The following STARD3NL variants were observed in gnomAD, a reference collection of about 807,000 sequenced individuals.
The protein encoded by STARD3NL is STARD3 N-terminal like, also known as STARD3 N-terminal-like protein.
Under a neutral mutation model 30.9 loss-of-function variants are expected in STARD3NL, and 17 were observed. The observed-to-expected ratio is 0.55, with a 90% CI of 0.38 to 0.82. STARD3NL has a LOEUF of 0.82. STARD3NL is among the 40% of genes least tolerant of loss of function. STARD3NL has a pLI of 0.00. For synonymous variants in STARD3NL, 112 were observed against 100.5 expected (o/e 1.11, Z -0.69); for missense variants, 234 against 277.6 (o/e 0.84, Z 1.12).
chr7:38,191,971 G>A (rs56147907), intron 1 of STARD3NL, among the ~76,000 whole-genome samples: 20,918 of 151,804 alleles, frequency 0.14, 1,556 homozygotes, highest in East Asian at 0.22. Flanking sequence ...ATCAGTTTGA[G>A]GAGAATTGAT....
At chr7:38,184,263 C>G (rs1784362791) in intron 1 of STARD3NL, among the ~76,000 whole-genome samples, 1 of 152,072 alleles carries the variant, frequency 6.6e-6, no homozygotes, top group South Asian at 2.1e-4. Flanking sequence ...AAAAGGCATT[C>G]CAGGCAGAGG....
At chr7:38,202,460 AG>A (rs529391860) in intron 1 of STARD3NL, among the ~76,000 whole-genome samples, 7 of 152,224 alleles carry the variant, frequency 4.6e-5, no homozygotes, top group Non-Finnish European at 7.3e-5. Flanking sequence ...ACATATAACA[AG>A]TGCAAAAAGT....
chr7:38,187,025 TA>T (rs36035968), intron 1 of STARD3NL, among the ~76,000 whole-genome samples: 93 of 144,036 alleles, frequency 6.5e-4, no homozygotes, highest in Non-Finnish European at 6.1e-4. Flanking sequence ...CAGCAGCTTC[TA>T]AAAAAAAAAA....
At chr7:38,226,513 A>T (rs1211592152) in intron 7 of STARD3NL, among the ~76,000 whole-genome samples, 1 of 152,196 alleles carries the variant, frequency 6.6e-6, no homozygotes, top group Non-Finnish European at 1.5e-5. Flanking sequence ...GTAGAAATGT[A>T]CATGGGTTGG....
At chr7:38,188,170 A>T (rs188249105) in intron 1 of STARD3NL, among the ~76,000 whole-genome samples, 1 of 152,266 alleles carries the variant, frequency 6.6e-6, no homozygotes, top group East Asian at 1.9e-4. Flanking sequence ...TCTCATTCAG[A>T]GTAAGACTTT....
At chr7:38,189,427 G>A (rs976518898) in intron 1 of STARD3NL, among the ~76,000 whole-genome samples, 1 of 152,182 alleles carries the variant, frequency 6.6e-6, no homozygotes, top group African/African-American at 2.4e-5. Context: ...CACATGGTGT[G>A]TCTGAGCCTT....
In STARD3NL at chr7:38,212,284, T is replaced by G. The variant is rs903450786; in HGVS notation, c.226-2073T>G. Among the ~76,000 whole-genome samples the G allele has an allele frequency of 2.6e-5, 4 of 152,330 alleles. No individual in the cohort carries two copies. In the South Asian group the frequency reaches 6.2e-4, roughly 24 times the overall value. On this transcript the variant is annotated intron_variant, in intron 2 of 8. Transcript: ENST00000009041. ...CTCACGGTAGATGAGCACACTTGCC[T>G]TCTTCTGTTCTCAGAAAGGAATAAG...
At chr7:38,221,732 A>G (rs1460324246) in intron 7 of STARD3NL, among the ~76,000 whole-genome samples, 1 of 152,202 alleles carries the variant, frequency 6.6e-6, no homozygotes, top group African/African-American at 2.4e-5. Flanking sequence ...AAATCAGTAG[A>G]TCTTAGCCTG....
At chr7:38,208,847 A>T (rs1785635260) in intron 2 of STARD3NL, among the ~76,000 whole-genome samples, 1 of 152,234 alleles carries the variant, frequency 6.6e-6, no homozygotes, top group Non-Finnish European at 1.5e-5. Context: ...AAGAAGCAGC[A>T]TCTTAATCTA....
At chr7:38,179,764 T>C (rs1454777370) in intron 1 of STARD3NL, among the ~76,000 whole-genome samples, 1 of 151,932 alleles carries the variant, frequency 6.6e-6, no homozygotes, top group Non-Finnish European at 1.5e-5. Context: ...AGTGACTGGG[T>C]TGTATGGAGA....
intron 1 of STARD3NL, among the ~76,000 whole-genome samples, chr7:38,206,861 C>G (rs1785515398): frequency 6.6e-6 from 1 of 152,206 alleles, no homozygotes; most frequent in Admixed American, 6.5e-5. Context: ...ACCTCAACTC[C>G]TGGGCTCAAG....
intron 7 of STARD3NL, among the ~76,000 whole-genome samples, chr7:38,219,879 G>T (rs1183774909): frequency 6.6e-6 from 1 of 152,172 alleles, no homozygotes; most frequent in Non-Finnish European, 1.5e-5. Flanking sequence ...TAGACACCAT[G>T]ATTTGTGATA....
chr7:38,223,853 A>G lies in STARD3NL; in HGVS notation c.649+4193A>G, dbSNP rs545815526. Among the ~76,000 whole-genome samples, 5 of 152,338 alleles carry G rather than the reference A, an allele frequency of 3.3e-5. No homozygotes were observed. The South Asian group carries it at 1.0e-3, about 32-fold the overall frequency. On this transcript the variant is annotated intron_variant, in intron 7 of 8. Transcript: ENST00000009041. ...AATAAAACTCATCCATTGTAAATGT[A>G]TAATTGCATGATTTTTAGTAAATTT...
intron 1 of STARD3NL, chr7:38,198,323 G>C (rs1387012205): frequency 6.6e-6 from 1 of 152,208 alleles, no homozygotes; most frequent in African/African-American, 2.4e-5. Flanking sequence ...TGGAGAGTGC[G>C]TGCCCCACTG....
chr7:38,194,776 A>G (rs896896107), intron 1 of STARD3NL, among the ~76,000 whole-genome samples: 6 of 152,162 alleles, frequency 3.9e-5, no homozygotes, highest in Admixed American at 1.3e-4. Context: ...TTTGTGATCA[A>G]TTTTATAAAT....
At chr7:38,190,977 C>T (rs2116007759) in intron 1 of STARD3NL, among the ~76,000 whole-genome samples, 1 of 152,206 alleles carries the variant, frequency 6.6e-6, no homozygotes, top group Non-Finnish European at 1.5e-5. Flanking sequence ...CCAGCTTGCT[C>T]CAGTATTGGT....
At chr7:38,209,594 C>T (rs989101377) in intron 2 of STARD3NL, among the ~76,000 whole-genome samples, 1 of 152,118 alleles carries the variant, frequency 6.6e-6, no homozygotes, top group Non-Finnish European at 1.5e-5. Context: ...GGAAATGCAT[C>T]TTTTAACAGG....
chr7:38,225,318 T>C (rs1379342500), intron 7 of STARD3NL, among the ~76,000 whole-genome samples: 3 of 152,188 alleles, frequency 2.0e-5, no homozygotes, highest in Non-Finnish European at 4.4e-5. Context: ...CTAGAGTCTT[T>C]TGAAGCACAA....
At chr7:38,191,044 G>C (rs904143969) in intron 1 of STARD3NL, among the ~76,000 whole-genome samples, 2 of 152,128 alleles carry the variant, frequency 1.3e-5, no homozygotes, top group African/African-American at 4.8e-5. Flanking sequence ...CACTGTAAAA[G>C]CATATTATCC....
Sources: allele counts gnomAD v4.1 joint callset (sites outside exome capture counted in the v4.1 genomes callset), GRCh38; gene constraint gnomAD v4.1.1; transcripts MANE v1.5; gene names NCBI Gene and HGNC (gene_info 2026-07-23, HGNC 2026-07-21).